CHD5: variants seen among roughly 807,000 people sequenced by gnomAD.
CHD5 encodes chromodomain helicase DNA binding protein 5, also known as ATP-dependent chromatin remodeler CHD5.
In CHD5, 69 loss-of-function variants were observed where a neutral mutation model predicts 230.3. The ratio of observed to expected loss-of-function variants is 0.30; its 90% CI spans 0.25 to 0.37. The LOEUF is 0.37. Among genes scored for constraint, CHD5 ranks in the 10% least tolerant of loss-of-function variants. CHD5 has a pLI of 1.00. For missense variants in CHD5, 1,827 were observed against 2,622.8 expected (o/e 0.70, Z 6.63); for synonymous variants, 1,064 against 1,065.9 (o/e 1.00, Z 0.03).
intron 33 of CHD5, among the ~76,000 whole-genome samples, chr1:6,113,668 G>A (rs1666329603): frequency 6.6e-6 from 1 of 152,218 alleles, no homozygotes; most frequent in Non-Finnish European, 1.5e-5. Flanking sequence ...TGCCAACACG[G>A]TCCAACACCG....
intron 33 of CHD5, among the ~76,000 whole-genome samples, chr1:6,118,440 T>C (rs1226547219): frequency 2.0e-5 from 3 of 150,084 alleles, no homozygotes; most frequent in East Asian, 3.9e-4. Flanking sequence ...AGATGAACTT[T>C]AAAAACACTA....
Position 6,125,188 on chromosome 1 carries a change from T to C in CHD5, c.4306A>G (p.Ile1436Val), listed in dbSNP as rs199805203. The C allele has an allele frequency of 1.0e-5, 16 of 1,606,508 alleles. No homozygotes were observed. The highest frequency in any genetic ancestry group is 2.2e-5 in the East Asian group (1 of 44,684). The change falls in exon 29 of 42, where the codon ATC becomes GTC. Residue 1436 changes from isoleucine to valine, a missense_variant. By Grantham distance (29) the Ile-to-Val change is conservative. Coordinates refer to ENST00000262450, the MANE Select transcript of CHD5 (RefSeq NM_015557.3). This position sits in a 1 kb window ranked among gnomAD's most constrained non-coding sequence, Gnocchi z 6.7. Reference protein sequence around the residue: ...ARQRKAFLNAIMRWGMPPQDA... With the variant: ...ARQRKAFLNAVMRWGMPPQDA... The stretch of plus-strand genomic sequence containing the variant: ...TGCGGGGGCATGCCCCAGCGCATGA[T>C]GGCGTTCAGAAAGGCCTTCCGCTGT...
chr1:6,170,425 C>T (rs12138827), intron 1 of CHD5, among the ~76,000 whole-genome samples: 38,388 of 152,206 alleles, frequency 0.25, 8,251 homozygotes, highest in African/African-American at 0.59. Flanking sequence ...CCCCACTCCT[C>T]GGGGGCACCG....
chr1:6,110,914 T>C (rs1338506631), intron 36 of CHD5, among the ~76,000 whole-genome samples: 3 of 152,148 alleles, frequency 2.0e-5, no homozygotes, highest in African/African-American at 4.8e-5. Context: ...CTAAACTCAA[T>C]GACTGGGATG....
At chr1:6,177,939 G>C (rs1667450660) in intron 1 of CHD5, among the ~76,000 whole-genome samples, 1 of 152,148 alleles carries the variant, frequency 6.6e-6, no homozygotes, top group Non-Finnish European at 1.5e-5. Flanking sequence ...TTGGGTTCAC[G>C]AGGTGACCCC....
Position 6,142,135 on chromosome 1 carries a change from C to G in CHD5, c.2429G>C (p.Arg810Pro), listed in dbSNP as rs147522329. 1 of 1,613,826 alleles carries G rather than the reference C, an allele frequency of 6.2e-7. No individual in the cohort carries two copies. Among genetic ancestry groups the G allele is most frequent in the Admixed American group, 1.7e-5 (1 of 60,028 alleles). Residue 810 changes from arginine to proline, a missense_variant, in exon 15 of 42, where the codon CGT becomes CCT. Transcript: ENST00000262450. This position sits in a 1 kb window ranked among gnomAD's most constrained non-coding sequence, Gnocchi z 5.2. ...AGGATAGCGAGCCCTCACCTTCATA[C>G]GGAATACCTTCTTCCCACTCCGAAT... ...NAIRSGKKVF[R>P]MKKEVQIKFH...
At chr1:6,151,588 C>T (rs1427332240) in intron 6 of CHD5, among the ~76,000 whole-genome samples, 1 of 152,240 alleles carries the variant, frequency 6.6e-6, no homozygotes, top group Non-Finnish European at 1.5e-5. Context: ...CACCAGCAAA[C>T]ATGCCTGCCA....
Position 6,102,084 on chromosome 1 carries a change from G to C in CHD5, c.*3390C>G, listed in dbSNP as rs542400728. The C allele has an allele frequency of 1.3e-5, 5 of 386,502 alleles. No individual in the cohort carries two copies. The highest frequency in any genetic ancestry group is 1.4e-4 in the East Asian group (1 of 7,328). 23.9% of individuals were successfully genotyped at this position (386,502 alleles called of 1,614,324 possible). ...CCTCTTAGCTGGGCCTGGGCCGGTGGAGTCTGCTCCCTCCACACCCCTGAA... is the reference window on the plus strand; with the variant it reads ...CCTCTTAGCTGGGCCTGGGCCGGTGCAGTCTGCTCCCTCCACACCCCTGAA... On this transcript the variant is annotated 3_prime_UTR_variant, in exon 42 of 42. Coordinates refer to ENST00000262450, the MANE Select transcript of CHD5 (RefSeq NM_015557.3).
chr1:6,164,577 G>T (rs545888555), intron 2 of CHD5, among the ~76,000 whole-genome samples: 3 of 152,070 alleles, frequency 2.0e-5, no homozygotes, highest in East Asian at 1.9e-4. Flanking sequence ...CCTTCACCCC[G>T]TCATCTTGGA....
Position 6,142,305 on chromosome 1 carries a change from C to A in CHD5, c.2259G>T (p.Leu753=), listed in dbSNP as rs1324100532. Reference sequence around the variant, plus strand: ...TGATGGTGGAGAGGGGCGCGCTAACCAGGTAGGGCCCTTTGGAGTGGCCCT... The same window carrying A: ...TGATGGTGGAGAGGGGCGCGCTAACAAGGTAGGGCCCTTTGGAGTGGCCCT... The part of the protein sequence containing the change: ...YKEGHSKGPY[L]VSAPLSTIIN... The change falls in exon 15 of 42, where the codon CTG becomes CTT. Residue 753 remains leucine (L), a synonymous_variant. Transcript: ENST00000262450. This position sits in a 1 kb window ranked among gnomAD's most constrained non-coding sequence, Gnocchi z 5.2. 2 of 1,610,406 alleles carry A rather than the reference C, an allele frequency of 1.2e-6. No individual in the cohort carries two copies. Among genetic ancestry groups the A allele is most frequent in the Admixed American group, 3.3e-5 (2 of 59,962 alleles).
chr1:6,155,546 G>A lies in CHD5; in HGVS notation c.506+53C>T. On this transcript the variant is annotated intron_variant, in intron 4 of 41. Coordinates refer to ENST00000262450, the MANE Select transcript of CHD5 (RefSeq NM_015557.3). This position sits in a 1 kb window ranked among gnomAD's most constrained non-coding sequence, Gnocchi z 4.0. ...CACTCCTCTGCCTCCCTCCCGACTT[G>A]GTACCACCAGAGGATGTGCGGGCCT... is the stretch of plus-strand genomic sequence containing the variant. 1.3e-6 allele frequency: 2 copies of A among 1,482,668 alleles called. No homozygotes were observed. The highest frequency in any genetic ancestry group is 1.9e-6 in the Non-Finnish European group (2 of 1,061,330). The allele number at this position is 1,482,668 out of a possible 1,614,324, so 91.8% of individuals were successfully genotyped here. A position where few individuals can be genotyped will look rare whatever the true frequency, so the allele number is the denominator to read the frequency against.
Position 6,154,901 on chromosome 1 carries a change from G to A in CHD5, c.507-3C>T, listed in dbSNP as rs2100868827. The A allele has an allele frequency of 1.9e-6, 3 of 1,612,550 alleles. No individual in the cohort carries two copies. Among genetic ancestry groups the A allele is most frequent in the African/African-American group, 1.3e-5 (1 of 75,048 alleles). On this transcript the variant is annotated splice_region_variant and splice_polypyrimidine_tract_variant and intron_variant, in intron 4 of 41. Coordinates refer to ENST00000262450, the MANE Select transcript of CHD5 (RefSeq NM_015557.3). The surrounding 1 kb of genome is among the most constrained non-coding windows in gnomAD (Gnocchi z 7.0). ...GGTTCTTCTTGGCAATGAGTGGCCT[G>A]TAGGGGGAGAGGCAGGAGGGTGAGG...
rs1666519683 is a variant in CHD5 at position 6,124,394 on chromosome 1, C to T, written c.4539+123G>A. The T allele has an allele frequency of 1.0e-5, 12 of 1,168,978 alleles. No homozygotes were observed. In the Admixed American group the frequency reaches 1.5e-4, roughly 15 times the overall value. 72.4% of individuals were successfully genotyped at this position (1,168,978 alleles called of 1,614,324 possible). On this transcript the variant is annotated intron_variant, in intron 30 of 41. Transcript: ENST00000262450. ...CCAGGTCAGTCCCTCTGGAGTGACT[C>T]GGACCCTGGGCAGCTGTGTGGCCTG...
Position 6,149,401 on chromosome 1 carries a change from C to T in CHD5, c.1006G>A (p.Asp336Asn). ...RRKKKRIDDG[D>N]GYETDHQDYC... Reference sequence around the variant, plus strand: ...TCCTGGTGGTCTGTCTCATAGCCGTCACCATCATCAACTAGGGTAGGGGAG... The same window carrying T: ...TCCTGGTGGTCTGTCTCATAGCCGTTACCATCATCAACTAGGGTAGGGGAG... The change falls in exon 8 of 42, where the codon GAC (aspartate) becomes AAC (asparagine). Residue 336 changes from aspartate to asparagine, a missense_variant. Physicochemically the swap from Asp to Asn is conservative, Grantham distance 23 (BLOSUM62 1). Coordinates refer to ENST00000262450, the MANE Select transcript of CHD5 (RefSeq NM_015557.3). 6.2e-7 allele frequency: 1 copy of T among 1,609,008 alleles called. No individual in the cohort carries two copies. The highest frequency in any genetic ancestry group is 8.5e-7 in the Non-Finnish European group (1 of 1,176,666).
chr1:6,163,502 C>A (rs1667208918), intron 2 of CHD5, among the ~76,000 whole-genome samples: 1 of 152,222 alleles, frequency 6.6e-6, no homozygotes, highest in Non-Finnish European at 1.5e-5. Context: ...TTTTGACATT[C>A]TAGAACTAGG....
rs758448519 is a variant in CHD5 at position 6,142,166 on chromosome 1, T to C, written c.2398A>G (p.Asn800Asp). ...IRENEFSFED[N>D]AIRSGKKVFR... ...ACCTTCTTCCCACTCCGAATGGCGT[T>C]GTCCTCAAAGGAAAACTCGTTCTCC... is the stretch of plus-strand genomic sequence containing the variant. Residue 800 changes from asparagine to aspartate, a missense_variant, in exon 15 of 42, where the codon AAC (asparagine) becomes GAC (aspartate). Physicochemically the swap from Asn to Asp is conservative, Grantham distance 23. This residue lies in a region of CHD5 where 80 missense variants were observed against 96.4 expected (regional missense o/e 0.83). Coordinates refer to ENST00000262450, the MANE Select transcript of CHD5 (RefSeq NM_015557.3). This position sits in a 1 kb window ranked among gnomAD's most constrained non-coding sequence, Gnocchi z 5.2. The C allele has an allele frequency of 5.0e-6, 8 of 1,614,168 alleles. No individual in the cohort carries two copies. The highest frequency in any genetic ancestry group is 1.7e-5 in the Admixed American group (1 of 60,032).
intron 2 of CHD5, among the ~76,000 whole-genome samples, chr1:6,162,465 A>G (rs367806379): frequency 7.9e-5 from 12 of 152,186 alleles, no homozygotes; most frequent in East Asian, 7.7e-4. Context: ...AGCACAGAGA[A>G]GCAGGGCTCT....
Position 6,121,898 on chromosome 1 carries a change from C to T in CHD5, c.4700-325G>A, listed in dbSNP as rs896025865. 7.2e-5 allele frequency among the ~76,000 whole-genome samples: 11 copies of T among 152,218 alleles called. No homozygotes were observed. The highest frequency in any genetic ancestry group is 2.7e-4 in the African/African-American group (11 of 41,466). ...GGCCCAGATTGGGAGCCACGACACC[C>T]GCTCTGGTCCCAGCTTTCGGGCGGG... On this transcript the variant is annotated intron_variant, in intron 31 of 41. Transcript: ENST00000262450. The surrounding 1 kb of genome is among the most constrained non-coding windows in gnomAD (Gnocchi z 4.5).
At chr1:6,160,143 G>GAA (rs1667147028) in intron 2 of CHD5, among the ~76,000 whole-genome samples, 1 of 95,538 alleles carries the variant, frequency 1.0e-5, no homozygotes, top group Non-Finnish European at 2.0e-5. Flanking sequence ...CCCCAGCCAG[G>GAA]GAAGGGCCCC....
Sources: allele counts gnomAD v4.1 joint callset (sites outside exome capture counted in the v4.1 genomes callset), GRCh38; gene constraint gnomAD v4.1.1; regional missense constraint gnomAD v4.1.1; non-coding constraint Gnocchi (gnomAD v3.1); transcripts MANE v1.5; gene names NCBI Gene and HGNC (gene_info 2026-07-23, HGNC 2026-07-21).